LRP2: variants seen among roughly 807,000 people sequenced by gnomAD.
The protein encoded by LRP2 is low-density lipoprotein receptor-related protein 2.
Under a neutral mutation model 531.0 loss-of-function variants are expected in LRP2, and 172 were observed. The observed-to-expected ratio is 0.32, with a 90% confidence interval of 0.29 to 0.37. LRP2 has a LOEUF of 0.37. Among genes scored for constraint, LRP2 ranks in the 10% least tolerant of loss-of-function variants. LRP2 has a pLI of 1.00. For missense variants in LRP2, 5,167 were observed against 5,868.3 expected (o/e 0.88, Z 3.90); for synonymous variants, 1,992 against 2,027.6 (o/e 0.98, Z 0.47).
intron 34 of LRP2, among the ~76,000 whole-genome samples, chr2:169,216,985 A>G (rs1000839191): frequency 6.6e-6 from 1 of 152,174 alleles, no homozygotes; most frequent in Non-Finnish European, 1.5e-5. Flanking sequence ...GTGAGAGTGG[A>G]ATCTCATTAT....
intron 26 of LRP2, 51 bp from the exon 27 acceptor site, chr2:169,238,353 A>G (rs1193046581): frequency 8.0e-7 from 1 of 1,247,360 alleles, no homozygotes; most frequent in South Asian, 1.2e-5. Context: ...AGAAAACACA[A>G]AACAACTCTT....
In LRP2 at chr2:169,175,516, T is replaced by C. The variant is rs896016698; in HGVS notation, c.10572-127A>G. On this transcript the variant is annotated intron_variant, in intron 54 of 78. Coordinates refer to ENST00000649046, the MANE Select transcript of LRP2 (RefSeq NM_004525.3). ...GCTCTCTCGTGGCCCTAGAAGAGGA[T>C]CAATTAAATCTCAGTTACAATGGTG... The C allele has an allele frequency of 5.0e-6, 4 of 797,928 alleles. No individual in the cohort carries two copies. The African/African-American group carries it at 6.8e-5, about 14-fold the overall frequency. The allele number at this position is 797,928 out of a possible 1,614,324, so 49.4% of individuals were successfully genotyped here.
At chr2:169,294,125 C>T in intron 6 of LRP2, 23 bp downstream of exon 6, 1 of 1,509,980 alleles carries the variant, frequency 6.6e-7, no homozygotes, top group Non-Finnish European at 9.2e-7. Flanking sequence ...ACAACATGAC[C>T]CAGCATAAAG....
chr2:169,324,418 T>C (rs1269353681), intron 1 of LRP2, among the ~76,000 whole-genome samples: 2 of 152,172 alleles, frequency 1.3e-5, no homozygotes, highest in Non-Finnish European at 2.9e-5. Flanking sequence ...TGGGCTGGCA[T>C]AGAATCCATA....
At position 169,237,216 on chromosome 2, in the gene LRP2, T is replaced by G. The variant is rs1039702360; in HGVS notation, c.4578A>C (p.Thr1526=). 1 of 1,613,842 alleles carries G rather than the reference T, an allele frequency of 6.2e-7. No homozygotes were observed. Among genetic ancestry groups the G allele is most frequent in the Admixed American group, 1.7e-5 (1 of 60,016 alleles). The stretch of plus-strand genomic sequence containing the variant: ...CTTCAATTGTTTCCAGAGCATAGTC[T>G]GTCCAGTAAAGATTACGACCTACCC... ...IDWVGRNLYW[T]DYALETIEVS... Residue 1526 remains threonine (T), a synonymous_variant, in exon 28 of 79, where the codon ACA becomes ACC. Coordinates refer to ENST00000649046, the MANE Select transcript of LRP2 (RefSeq NM_004525.3).
At chr2:169,164,016 G>A (rs897548038) in intron 62 of LRP2, among the ~76,000 whole-genome samples, 7 of 152,242 alleles carry the variant, frequency 4.6e-5, no homozygotes, top group Admixed American at 4.6e-4. Context: ...TCCTTTCCAA[G>A]CCAGTGTGCT....
rs765010009 is a variant in LRP2, at chr2:169,299,056, GAAGAAAGAAAGAAGGA to G, written c.428-4362_428-4347del. Among the ~76,000 whole-genome samples, 676 of 132,076 alleles carry G rather than the reference GAAGAAAGAAAGAAGGA, an allele frequency of 5.1e-3. 74 individuals are homozygous for G. Among genetic ancestry groups the G allele is most frequent in the East Asian group, 7.8e-3 (36 of 4,644 alleles). The allele number at this position is 132,076 out of a possible 152,430, so 86.6% of individuals were successfully genotyped here. ...ATTTATTAAAAAAGAAATTCAGAAA[GAAGAAAGAAAGAAGGA>G]AAGAAAGAAAGAAGGAAAGAAAGAA... On this transcript the variant is annotated intron_variant, in intron 4 of 78. Transcript: ENST00000649046.
Position 169,128,755 on chromosome 2 carries a change from G to C in LRP2, c.13876C>G (p.Pro4626Ala), listed in dbSNP as rs756455082. The change falls in exon 79 of 79, where the codon CCT becomes GCT. Residue 4626 changes from proline to alanine, a missense_variant. By Grantham distance (27) the Pro-to-Ala change is conservative. This residue lies in a region of LRP2 where 348 missense variants were observed against 369.3 expected (regional missense o/e 0.94). Transcript: ENST00000649046. Reference sequence around the variant, plus strand: ...GTTGGAGTTGGGTCTCTTCTCGAAGGAGGCTTAGGCTTAGCAGGGAGCGAA... The same window carrying C: ...GTTGGAGTTGGGTCTCTTCTCGAAGCAGGCTTAGGCTTAGCAGGGAGCGAA... ...SPSLPAKPKPPSRRDPTPTYS... is the reference protein window; with the variant it reads ...SPSLPAKPKPASRRDPTPTYS... 1 of 1,614,124 alleles carries C rather than the reference G, an allele frequency of 6.2e-7. No homozygotes were observed. The highest frequency in any genetic ancestry group is 8.5e-7 in the Non-Finnish European group (1 of 1,179,992).
At chr2:169,323,754 A>T (rs1368447150) in intron 1 of LRP2, among the ~76,000 whole-genome samples, 1 of 152,098 alleles carries the variant, frequency 6.6e-6, no homozygotes, top group African/African-American at 2.4e-5. Context: ...TGCCACATTC[A>T]ACCAATCCAG....
rs147058423 is a variant in LRP2, at chr2:169,246,785, C to T, written c.3110G>A (p.Arg1037Lys). 3,056 of 1,614,196 alleles carry T rather than the reference C, an allele frequency of 1.9e-3. 2 individuals carry two copies. Among genetic ancestry groups the T allele is most frequent in the Non-Finnish European group, 2.4e-3 (2,852 of 1,180,034 alleles). ...ACAGAGATAGTAATTGGGCACACAT[C>T]TGCCATTTTTACAGGGGAAGGAAAA... ...GLFSFPCKNG[R>K]CVPNYYLCDG... The change falls in exon 21 of 79, where the codon AGA becomes AAA. Residue 1037 changes from arginine (R) to lysine (K), a missense_variant. Physicochemically the swap from Arg to Lys is conservative, Grantham distance 26. Around this residue, in one of 6 missense-constraint regions of LRP2, gnomAD observed 2,811 missense variants for 3,058.0 expected, o/e 0.92. Coordinates refer to ENST00000649046, the MANE Select transcript of LRP2 (RefSeq NM_004525.3).
chr2:169,352,523 T>C (rs554904511), intron 1 of LRP2, among the ~76,000 whole-genome samples: 1 of 152,298 alleles, frequency 6.6e-6, no homozygotes, highest in African/African-American at 2.4e-5. Context: ...GGTACCTAGA[T>C]CACACGTTCC....
intron 76 of LRP2, among the ~76,000 whole-genome samples, chr2:169,133,571 G>A (rs1685368557): frequency 7.4e-6 from 1 of 135,622 alleles, no homozygotes; most frequent in Non-Finnish European, 1.6e-5. Context: ...ATTAAAATGT[G>A]CCATATCTCG....
rs1393390016 is a variant in LRP2, at chr2:169,277,792, G to A, written c.1725C>T (p.Asp575=). The part of the protein sequence containing the change: ...DMISKRVYWV[D]SRFDYIETVT... ...CAGTTTCAATGTAATCAAACCGAGAGTCAACCCAGTAAACACGCTTCGATA... is the reference window on the plus strand; with the variant it reads ...CAGTTTCAATGTAATCAAACCGAGAATCAACCCAGTAAACACGCTTCGATA... The change falls in exon 13 of 79, where the codon GAC becomes GAT. Residue 575 remains aspartate, a synonymous_variant. Transcript: ENST00000649046. The A allele has an allele frequency of 6.2e-7, 1 of 1,614,048 alleles. No individual in the cohort carries two copies. The highest frequency in any genetic ancestry group is 8.5e-7 in the Non-Finnish European group (1 of 1,179,998).
At chr2:169,348,539 G>C (rs1685757242) in intron 1 of LRP2, among the ~76,000 whole-genome samples, 1 of 152,192 alleles carries the variant, frequency 6.6e-6, no homozygotes, top group Non-Finnish European at 1.5e-5. Context: ...GATCAAGGCT[G>C]TTTTCACTGT....
chr2:169,358,504 G>A (rs967915978), intron 1 of LRP2, among the ~76,000 whole-genome samples: 1 of 152,220 alleles, frequency 6.6e-6, no homozygotes, highest in Non-Finnish European at 1.5e-5. Flanking sequence ...ACTTTTTCAA[G>A]TAGAGAAAGA....
chr2:169,129,174 T>A (rs1462775781), intron 77 of LRP2, 90 bp from the exon 78 acceptor site: 1 of 983,092 alleles, frequency 1.0e-6, no homozygotes, highest in South Asian at 1.3e-5. Context: ...AAATTTCTTC[T>A]TACTGAAGGG....
chr2:169,185,531 C>T lies in LRP2; in HGVS notation c.9817G>A (p.Glu3273Lys), dbSNP rs2105301386. The change falls in exon 50 of 79, where the codon GAA becomes AAA. Residue 3273 changes from glutamate to lysine, a missense_variant. Coordinates refer to ENST00000649046, the MANE Select transcript of LRP2 (RefSeq NM_004525.3). ...GAAACCCAGTCTACAGCCAGACTTT[C>T]TGCAGCTGGTAGTCTGTGGTTTATG... ...TIINHRLPAAESLAVDWVSRK... is the reference protein window; with the variant it reads ...TIINHRLPAAKSLAVDWVSRK... The T allele has an allele frequency of 1.2e-6, 2 of 1,613,726 alleles. No individual in the cohort carries two copies. The highest frequency in any genetic ancestry group is 4.5e-5 in the East Asian group (2 of 44,880).
intron 16 of LRP2, among the ~76,000 whole-genome samples, chr2:169,264,488 A>G (rs962701561): frequency 6.6e-6 from 1 of 152,044 alleles, no homozygotes; most frequent in African/African-American, 2.4e-5. Context: ...GTCCTCAAAA[A>G]AGATAATTTC....
intron 4 of LRP2, among the ~76,000 whole-genome samples, 182 bp from the exon 5 acceptor site, chr2:169,294,892 C>T (rs1684096383): frequency 1.2e-5 from 1 of 84,828 alleles, no homozygotes; most frequent in Non-Finnish European, 3.4e-5. Context: ...GGGAGACAGA[C>T]ATTAATCAAA....
Sources: allele counts gnomAD v4.1 joint callset (sites outside exome capture counted in the v4.1 genomes callset), GRCh38; gene constraint gnomAD v4.1.1; regional missense constraint gnomAD v4.1.1; transcripts MANE v1.5; gene names NCBI Gene and HGNC (gene_info 2026-07-23, HGNC 2026-07-21).